TMX4: variants seen among roughly 807,000 people sequenced by gnomAD.
TMX4 encodes the protein thioredoxin related transmembrane protein 4.
TMX4 carries 23 observed loss-of-function variants against 33.3 expected under a neutral mutation model. The ratio of observed to expected loss-of-function variants is 0.69; its 90% CI spans 0.50 to 0.98. The LOEUF (loss-of-function observed/expected upper bound fraction) is 0.98, where lower values mean the gene tolerates loss of function less well. Ranked by LOEUF, TMX4 falls within the 50% of genes least tolerant of loss-of-function variation. The pLI is 0.00. For missense variants in TMX4, 399 were observed against 448.9 expected, an observed-to-expected ratio of 0.89 and a Z score of 1.01; for synonymous variants, 164 against 161.5, an observed-to-expected ratio of 1.02 and a Z score of -0.12.
chr20:7,990,392 G>C (rs983495510), intron 5 of TMX4, among the ~76,000 whole-genome samples: 1 of 139,970 alleles, frequency 7.1e-6, no homozygotes, highest in East Asian at 2.6e-4. Flanking sequence ...GATTAAGTTA[G>C]AGCTAACTTT....
intron 4 of TMX4, among the ~76,000 whole-genome samples, chr20:7,998,184 T>C (rs1291221558): frequency 6.6e-6 from 1 of 152,152 alleles, no homozygotes; most frequent in African/African-American, 2.4e-5. Context: ...TATTCCTTTA[T>C]AGCAATGCAA....
Position 7,983,824 on chromosome 20 carries a change from G to T in TMX4, c.649C>A (p.Pro217Thr). 6.2e-7 allele frequency: 1 copy of T among 1,613,346 alleles called. No homozygotes were observed. Among genetic ancestry groups the T allele is most frequent in the Non-Finnish European group, 8.5e-7 (1 of 1,179,716 alleles). ...LVVISECFYV[P>T]LPRHLSERSE... Reference sequence around the variant, plus strand: ...CGCTCAGATAAATGCCTTGGAAGTGGCACATAGAAACATTCTGATATTACC... The same window carrying T: ...CGCTCAGATAAATGCCTTGGAAGTGTCACATAGAAACATTCTGATATTACC... The change falls in exon 7 of 8, where the codon CCA becomes ACA. Residue 217 changes from proline to threonine, a missense_variant. By Grantham distance (38) the Pro-to-Thr change is conservative (BLOSUM62 -1). Transcript: ENST00000246024.
intron 5 of TMX4, 66 bp downstream of exon 5, chr20:7,995,960 C>T: frequency 7.6e-7 from 1 of 1,317,390 alleles, no homozygotes. Context: ...TTTCCTATTG[C>T]TTAAAAGCTG....
At chr20:8,008,200 C>A (rs868867477) in intron 2 of TMX4, among the ~76,000 whole-genome samples, 2 of 152,070 alleles carry the variant, frequency 1.3e-5, no homozygotes, top group Non-Finnish European at 2.9e-5. Context: ...AAGTTTATCT[C>A]CTAATTTTTA....
At chr20:8,013,711 C>T (rs2122882580) in intron 1 of TMX4, 1 of 152,260 alleles carries the variant, frequency 6.6e-6, no homozygotes, top group Admixed American at 6.5e-5. Context: ...CAGAGAAGGA[C>T]TTACTTATAT....
intron 7 of TMX4, 67 bp from the exon 8 acceptor site, chr20:7,982,688 G>T: frequency 6.8e-7 from 1 of 1,479,748 alleles, no homozygotes; most frequent in Non-Finnish European, 9.0e-7. Flanking sequence ...AATTGAGTGT[G>T]TTTAGCTGTG....
chr20:8,002,942 T>C (rs2050713501), intron 2 of TMX4, among the ~76,000 whole-genome samples: 1 of 152,076 alleles, frequency 6.6e-6, no homozygotes, highest in Non-Finnish European at 1.5e-5. Flanking sequence ...TCATTGTACA[T>C]TGGAAAAAAA....
chr20:8,011,109 A>C (rs902399057), intron 1 of TMX4, among the ~76,000 whole-genome samples: 2 of 152,122 alleles, frequency 1.3e-5, no homozygotes, highest in Admixed American at 6.5e-5. Flanking sequence ...AAAGTCTTGA[A>C]TAAATAGAGA....
chr20:8,014,115 T>C (rs1444232997), intron 1 of TMX4, among the ~76,000 whole-genome samples: 1 of 152,202 alleles, frequency 6.6e-6, no homozygotes. Context: ...CTTTGGACAA[T>C]AATTTCTAGA....
At chr20:8,008,730 TAAACTC>T (rs1466083346) in intron 2 of TMX4, among the ~76,000 whole-genome samples, 4 of 152,210 alleles carry the variant, frequency 2.6e-5, no homozygotes, top group Non-Finnish European at 4.4e-5. Context: ...TTAGTTTACT[TAAACTC>T]TAAAGATGAA....
chr20:7,989,888 T>A (rs1222251715), intron 5 of TMX4, among the ~76,000 whole-genome samples: 1 of 152,192 alleles, frequency 6.6e-6, no homozygotes, highest in Admixed American at 6.5e-5. Flanking sequence ...TGATCCTTAT[T>A]CAATATTATA....
At chr20:8,019,297 G>T in intron 1 of TMX4, 141 bp downstream of exon 1, 1 of 1,039,320 alleles carries the variant, frequency 9.6e-7, no homozygotes, top group Non-Finnish European at 1.3e-6. Context: ...CGGCACCGGC[G>T]CCGCAGGTTG....
rs767056731 is a variant in TMX4, at chr20:8,018,524, G to GCA, written c.176+913_176+914insTG. Among the ~76,000 whole-genome samples the GCA allele has an allele frequency of 0.027, 1,203 of 45,330 alleles. 360 individuals carry two copies. In the East Asian group the frequency reaches 0.53, roughly 20 times the overall value. The allele number at this position is 45,330 out of a possible 152,430, so 29.7% of individuals were successfully genotyped here. On this transcript the variant is annotated intron_variant, in intron 1 of 7. Coordinates refer to ENST00000246024, the MANE Select transcript of TMX4 (RefSeq NM_021156.4). ...AGAGAGAGAGAGAGAGAGAGAGAGA[G>GCA]AGAGTCTGCAAGCCCACCATGATGG...
At chr20:8,013,390 G>T (rs749301862) in intron 1 of TMX4, among the ~76,000 whole-genome samples, 3 of 152,056 alleles carry the variant, frequency 2.0e-5, no homozygotes, top group Non-Finnish European at 4.4e-5. Context: ...AACTTTTGTT[G>T]ACTTGTTTGC....
At chr20:7,995,889 G>T in intron 5 of TMX4, 137 bp downstream of exon 5, 1 of 688,772 alleles carries the variant, frequency 1.5e-6, no homozygotes, top group South Asian at 2.1e-5. Flanking sequence ...AACCCCACAT[G>T]AGAGTAGTTG....
intron 1 of TMX4, among the ~76,000 whole-genome samples, chr20:8,014,503 T>C (rs891715148): frequency 5.9e-5 from 9 of 152,284 alleles, no homozygotes; most frequent in African/African-American, 2.2e-4. Flanking sequence ...GCTTTGGAGA[T>C]AAACAGGGAA....
At chr20:8,001,607 A>T in intron 2 of TMX4, 66 bp from the exon 3 acceptor site, 1 of 1,422,902 alleles carries the variant, frequency 7.0e-7, no homozygotes, top group Non-Finnish European at 9.6e-7. Context: ...TCTTGAGCTT[A>T]CTTTCATAAT....
intron 1 of TMX4, among the ~76,000 whole-genome samples, chr20:8,018,510 G>GTCTC (rs1453183017): frequency 0.011 from 548 of 51,126 alleles, 121 homozygotes; most frequent in African/African-American, 0.1. Context: ...GAGAGAGAGA[G>GTCTC]AGAGAGAGAG....
intron 5 of TMX4, among the ~76,000 whole-genome samples, chr20:7,993,899 G>A (rs2050665492): frequency 6.6e-6 from 1 of 151,886 alleles, no homozygotes; most frequent in Admixed American, 6.6e-5. Flanking sequence ...AAATGTTTTA[G>A]TGATCCCAAT....
Sources: allele counts gnomAD v4.1 joint callset (sites outside exome capture counted in the v4.1 genomes callset), GRCh38; gene constraint gnomAD v4.1.1; transcripts MANE v1.5; gene names NCBI Gene and HGNC (gene_info 2026-07-23, HGNC 2026-07-21).